Variants in ATRNL1 observed in about 807,000 individuals in gnomAD.
ATRNL1 encodes attractin like 1.
Under a neutral mutation model 182.7 loss-of-function variants are expected in ATRNL1, and 95 were observed. That is an observed-to-expected ratio of 0.52 (90% CI 0.44 to 0.62). ATRNL1 has a LOEUF of 0.62. Ranked by LOEUF, ATRNL1 falls within the 20% of genes least tolerant of loss-of-function variation. ATRNL1 has a pLI of 0.00. For synonymous variants in ATRNL1, 576 were observed against 568.3 expected (o/e 1.01, Z -0.19); for missense variants, 1,471 against 1,679.5 (o/e 0.88, Z 2.17).
intron 9 of ATRNL1, among the ~76,000 whole-genome samples, chr10:115,225,506 T>TAATATA (rs1849659362): frequency 1.3e-5 from 2 of 148,484 alleles, no homozygotes; most frequent in Admixed American, 6.7e-5. Context: ...TAATATAATA[T>TAATATA]GTATATGGGT....
intron 20 of ATRNL1, among the ~76,000 whole-genome samples, chr10:115,420,039 A>AT (rs34280609): frequency 0.54 from 69,086 of 127,936 alleles, 21,433 homozygotes; most frequent in Non-Finnish European, 0.7. Flanking sequence ...TGTCTTAACA[A>AT]TTTTTTTTTT....
chr10:115,108,937 A>G (rs1215286913), intron 1 of ATRNL1, among the ~76,000 whole-genome samples: 6 of 152,170 alleles, frequency 3.9e-5, no homozygotes, highest in African/African-American at 9.7e-5. Context: ...TTGCTGCTTC[A>G]TGTCAAGGAT....
intron 19 of ATRNL1, among the ~76,000 whole-genome samples, chr10:115,353,497 AGTCTT>A (rs1397011551): frequency 6.6e-6 from 1 of 151,912 alleles, no homozygotes; most frequent in Non-Finnish European, 1.5e-5. Flanking sequence ...CATATATTTG[AGTCTT>A]GTTTTAATCC....
intron 1 of ATRNL1, among the ~76,000 whole-genome samples, chr10:115,108,364 GGAGTA>G (rs1485179453): frequency 2.0e-5 from 3 of 152,288 alleles, no homozygotes; most frequent in African/African-American, 7.2e-5. Context: ...AAGGGGTTTA[GGAGTA>G]GAGGTTTAAT....
chr10:115,410,972 G>A (rs1845111120), intron 20 of ATRNL1, among the ~76,000 whole-genome samples: 1 of 151,864 alleles, frequency 6.6e-6, no homozygotes. Flanking sequence ...TCCTGACCTC[G>A]TGATCCACCC....
At chr10:115,371,778 T>G (rs1240070246) in intron 19 of ATRNL1, among the ~76,000 whole-genome samples, 1 of 152,118 alleles carries the variant, frequency 6.6e-6, no homozygotes, top group Non-Finnish European at 1.5e-5. Context: ...CATGATTGGT[T>G]TTGGAATGTG....
rs1845540789 is a variant in ATRNL1 at position 115,419,165 on chromosome 10, G to A, written c.3270-7085G>A. Among the ~76,000 whole-genome samples the A allele has an allele frequency of 2.6e-5, 4 of 152,142 alleles. 1 individual carries two copies. The highest frequency in any genetic ancestry group is 2.6e-4 in the Admixed American group (4 of 15,272). On this transcript the variant is annotated intron_variant, in intron 20 of 28. Coordinates refer to ENST00000355044, the MANE Select transcript of ATRNL1 (RefSeq NM_207303.4). ...TAATGAGTTAAAATGTACCATTTTT[G>A]TTGTTTTCTTCTTTCCTTTGCGATC... is the stretch of plus-strand genomic sequence containing the variant.
intron 27 of ATRNL1, among the ~76,000 whole-genome samples, chr10:115,824,760 C>T (rs1017555026): frequency 4.6e-5 from 7 of 152,134 alleles, no homozygotes; most frequent in Non-Finnish European, 1.5e-5. Context: ...ATTAAAAAGT[C>T]AGATGCTGGA....
At position 115,727,654 on chromosome 10, in the gene ATRNL1, A is replaced by G. The variant is rs371014199; in HGVS notation, c.3903+299A>G. 8.8e-4 allele frequency among the ~76,000 whole-genome samples: 134 copies of G among 152,312 alleles called. 4 individuals are homozygous for G. The South Asian group carries it at 0.027, about 30-fold the overall frequency. ...GATATAGGTATGATCGAAGAAACAA[A>G]GCGCCTATATTTAGTCTTTGGAGTA... On this transcript the variant is annotated intron_variant, in intron 27 of 28. Transcript: ENST00000355044.
At chr10:115,725,414 T>C (rs1474344164) in intron 26 of ATRNL1, among the ~76,000 whole-genome samples, 1 of 152,160 alleles carries the variant, frequency 6.6e-6, no homozygotes, top group Non-Finnish European at 1.5e-5. Flanking sequence ...TGAGTATTCA[T>C]TAATTCTATT....
chr10:115,655,062 A>G (rs541427461), intron 26 of ATRNL1, among the ~76,000 whole-genome samples: 2 of 152,292 alleles, frequency 1.3e-5, no homozygotes, highest in East Asian at 3.9e-4. Flanking sequence ...AGAGAGACCA[A>G]GGAACACCAG....
At chr10:115,388,644 T>C (rs557582814) in intron 19 of ATRNL1, among the ~76,000 whole-genome samples, 117 of 152,136 alleles carry the variant, frequency 7.7e-4, no homozygotes, top group African/African-American at 2.7e-3. Context: ...TTCTCATTTA[T>C]GTTATATATA....
At position 115,871,469 on chromosome 10, in the gene ATRNL1, T is replaced by TTATATATATATATATATA. The variant is rs1162576615; in HGVS notation, c.4018+23479_4018+23480insATATATATATATATATAT. On this transcript the variant is annotated intron_variant, in intron 28 of 28. Transcript: ENST00000355044. Reference sequence around the variant, plus strand: ...TCCTAGAAAGGCCTGGTCAGATTCTTTGTGTGTGTGTATATATATATATAT... The same window carrying TTATATATATATATATATA: ...TCCTAGAAAGGCCTGGTCAGATTCTTTATATATATATATATATATGTGTGTGTGTATATATATATATAT... Among the ~76,000 whole-genome samples the TTATATATATATATATATA allele has an allele frequency of 7.6e-4, 106 of 140,282 alleles. 7 individuals are homozygous for TTATATATATATATATATA. The highest frequency in any genetic ancestry group is 2.3e-3 in the African/African-American group (88 of 37,826). The allele number at this position is 140,282 out of a possible 152,430, so 92.0% of individuals were successfully genotyped here. A position where few individuals can be genotyped will look rare whatever the true frequency, so the allele number is the denominator to read the frequency against.
At chr10:115,137,928 A>G (rs1240109800) in intron 5 of ATRNL1, among the ~76,000 whole-genome samples, 1 of 152,216 alleles carries the variant, frequency 6.6e-6, no homozygotes, top group African/African-American at 2.4e-5. Flanking sequence ...AGCCTGTAAA[A>G]TCAAAAGCAA....
intron 19 of ATRNL1, among the ~76,000 whole-genome samples, chr10:115,357,642 A>C (rs1028370707): frequency 6.6e-6 from 1 of 151,726 alleles, no homozygotes; most frequent in Non-Finnish European, 1.5e-5. Flanking sequence ...TTAGTTACAC[A>C]TACTTTTATC....
chr10:115,341,882 C>A (rs558746332), intron 19 of ATRNL1, among the ~76,000 whole-genome samples: 47 of 151,904 alleles, frequency 3.1e-4, no homozygotes, highest in African/African-American at 1.1e-3. Context: ...TTTTCCATTC[C>A]TTTATCATAG....
intron 19 of ATRNL1, among the ~76,000 whole-genome samples, chr10:115,375,094 TA>T (rs1232001054): frequency 1.1e-4 from 16 of 151,874 alleles, no homozygotes; most frequent in African/African-American, 3.9e-4. Context: ...CCCTTACTAT[TA>T]TTTTATTGTA....
In ATRNL1 at chr10:115,267,011, T is replaced by C. The variant is rs1554911041; in HGVS notation, c.1981+6T>C. 1 of 1,580,188 alleles carries C rather than the reference T, an allele frequency of 6.3e-7. No individual in the cohort carries two copies. The highest frequency in any genetic ancestry group is 8.6e-7 in the Non-Finnish European group (1 of 1,156,444). On this transcript the variant is annotated splice_donor_region_variant and intron_variant, in intron 12 of 28. Coordinates refer to ENST00000355044, the MANE Select transcript of ATRNL1 (RefSeq NM_207303.4). ...AAAGTGCCCTCCTAAAACAGGTAAATTTCTTTTTCTTTTCGTCTTTGTGGC... is the reference window on the plus strand; with the variant it reads ...AAAGTGCCCTCCTAAAACAGGTAAACTTCTTTTTCTTTTCGTCTTTGTGGC...
chr10:115,157,637 C>T (rs1592185224), intron 5 of ATRNL1, among the ~76,000 whole-genome samples: 1 of 152,182 alleles, frequency 6.6e-6, no homozygotes, highest in East Asian at 1.9e-4. Context: ...CTTCTGCAGT[C>T]AAATCTCCCT....
Sources: gnomAD v4.1 joint callset for allele counts (sites outside exome capture counted in the v4.1 genomes callset) on GRCh38, gnomAD v4.1.1 for gene constraint, MANE v1.5 for transcripts, NCBI Gene and HGNC (gene_info 2026-07-23, HGNC 2026-07-21) for gene names.